Variants in ANKRD29 observed in about 807,000 individuals in gnomAD.
The protein encoded by ANKRD29 is ankyrin repeat domain-containing protein 29.
A neutral mutation model predicts 38.0 loss-of-function variants in ANKRD29; 32 were observed. The ratio of observed to expected loss-of-function variants is 0.84; its 90% CI spans 0.64 to 1.13. ANKRD29 has a LOEUF of 1.13. ANKRD29 is among the 50% of genes most tolerant of loss of function. The pLI is 0.00. For missense variants in ANKRD29, 357 were observed against 377.9 expected (o/e 0.94, Z 0.46); for synonymous variants, 135 against 152.4 (o/e 0.89, Z 0.84).
chr18:23,627,909 C>T (rs542355513), intron 6 of ANKRD29, among the ~76,000 whole-genome samples: 57 of 152,304 alleles, frequency 3.7e-4, no homozygotes, highest in South Asian at 2.5e-3. Flanking sequence ...AAAGTCAACT[C>T]TAGCAGGACG....
chr18:23,660,223 G>T (rs2060341502), intron 1 of ANKRD29, among the ~76,000 whole-genome samples: 2 of 152,174 alleles, frequency 1.3e-5, no homozygotes, highest in Admixed American at 1.3e-4. Flanking sequence ...TCATTGTCTT[G>T]CTGATTAAAG....
chr18:23,656,083 A>G (rs1334330578), intron 1 of ANKRD29, among the ~76,000 whole-genome samples: 2 of 140,346 alleles, frequency 1.4e-5, no homozygotes, highest in Non-Finnish European at 3.0e-5. Context: ...ACAGAGCGAG[A>G]CTCCGTCTCA....
intron 9 of ANKRD29, among the ~76,000 whole-genome samples, chr18:23,609,935 G>T (rs758821304): frequency 1.4e-4 from 22 of 152,174 alleles, no homozygotes; most frequent in Non-Finnish European, 2.9e-4. Flanking sequence ...TGGGAATGGG[G>T]AAGTAATACT....
At chr18:23,633,039 T>C (rs1045247626) in intron 5 of ANKRD29, among the ~76,000 whole-genome samples, 9 of 152,214 alleles carry the variant, frequency 5.9e-5, no homozygotes, top group African/African-American at 2.2e-4. Flanking sequence ...GGTTCCTAGA[T>C]AATTGGAAGT....
intron 5 of ANKRD29, among the ~76,000 whole-genome samples, chr18:23,633,820 C>T (rs2059964523): frequency 1.3e-5 from 2 of 152,060 alleles, no homozygotes; most frequent in South Asian, 2.1e-4. Flanking sequence ...CCACCCACCT[C>T]GGCCTCCCAA....
chr18:23,614,829 T>C (rs949791683), intron 8 of ANKRD29, among the ~76,000 whole-genome samples: 2 of 151,988 alleles, frequency 1.3e-5, no homozygotes, highest in African/African-American at 4.8e-5. Context: ...CCAAAAAGTG[T>C]CTGGGGTCAT....
intron 3 of ANKRD29, among the ~76,000 whole-genome samples, chr18:23,639,529 A>ATTTTTTTTTT (rs11310206): frequency 8.3e-6 from 1 of 120,346 alleles, no homozygotes; most frequent in Non-Finnish European, 1.8e-5. Flanking sequence ...TTTTACTGTG[A>ATTTTTTTTTT]TTTTTTTTTT....
Position 23,600,979 on chromosome 18 carries a change from A to T in ANKRD29, c.*247T>A, listed in dbSNP as rs1018562634. On this transcript the variant is annotated 3_prime_UTR_variant, in exon 10 of 10. Transcript: ENST00000592179. ...TTTCTGTGGAATCTGTGAACATGCC[A>T]GGCCCCCCGGGAGATGAGTTACAGG... 2.8e-6 allele frequency: 1 copy of T among 352,046 alleles called. No homozygotes were observed. Among genetic ancestry groups the T allele is most frequent in the East Asian group, 4.8e-5 (1 of 20,622 alleles). The allele number at this position is 352,046 out of a possible 1,614,324, so 21.8% of individuals were successfully genotyped here. A position where few individuals can be genotyped will look rare whatever the true frequency, so the allele number is the denominator to read the frequency against.
In ANKRD29 at chr18:23,620,646, A is replaced by C. The variant is rs143299447; in HGVS notation, c.529-1017T>G. ...TAGGTTGTGGAAGAAACATCAGGTC[A>C]GTTATGGGGAATTCCAGATGGGAAA... On this transcript the variant is annotated intron_variant, in intron 6 of 9. Transcript: ENST00000592179. 3.9e-3 allele frequency among the ~76,000 whole-genome samples: 587 copies of C among 152,280 alleles called. 5 individuals are homozygous for C. The highest frequency in any genetic ancestry group is 5.7e-3 in the Non-Finnish European group (385 of 68,024).
chr18:23,638,929 A>G lies in ANKRD29; in HGVS notation c.250T>C (p.Phe84Leu). ...LQRESGTTAL[F>L]FAAQQGHNDV... is the part of the protein sequence containing the mutation. ...TTATGGCCTTGCTGGGCGGCAAAGAATAGGGCAGTTGTACCTGACTGGGAG... is the reference window on the plus strand; with the variant it reads ...TTATGGCCTTGCTGGGCGGCAAAGAGTAGGGCAGTTGTACCTGACTGGGAG... Residue 84 changes from phenylalanine (F) to leucine (L), a missense_variant, in exon 4 of 10, where the codon TTC (phenylalanine) becomes CTC (leucine). By Grantham distance (22) the Phe-to-Leu change is conservative (BLOSUM62 0). Transcript: ENST00000592179. The G allele has an allele frequency of 6.2e-7, 1 of 1,612,408 alleles. No individual in the cohort carries two copies. The highest frequency in any genetic ancestry group is 8.5e-7 in the Non-Finnish European group (1 of 1,179,584).
At chr18:23,634,475 A>T (rs902595010) in intron 4 of ANKRD29, among the ~76,000 whole-genome samples, 3 of 151,668 alleles carry the variant, frequency 2.0e-5, no homozygotes, top group African/African-American at 7.3e-5. Flanking sequence ...TTTTTAGAAG[A>T]GATGGGGTTT....
intron 8 of ANKRD29, among the ~76,000 whole-genome samples, chr18:23,615,825 T>A (rs1286614152): frequency 6.6e-6 from 1 of 151,050 alleles, no homozygotes; most frequent in Admixed American, 6.6e-5. Context: ...GTAACAGTAA[T>A]ATTCACTAAC....
chr18:23,645,814 C>A (rs529352744), intron 3 of ANKRD29, among the ~76,000 whole-genome samples: 3 of 152,066 alleles, frequency 2.0e-5, no homozygotes, highest in Non-Finnish European at 4.4e-5. Flanking sequence ...AAGTGAGCCT[C>A]ATTACAAATA....
rs61584775 is a variant in ANKRD29, at chr18:23,632,533, G to GTATATATATATATATA, written c.429+1517_429+1518insTATATATATATATATA. On this transcript the variant is annotated intron_variant, in intron 5 of 9. Transcript: ENST00000592179. ...CTATTCAGTGTGTGTGTGTGTGTGT[G>GTATATATATATATATA]TATATATATATATATTACACACTCT... is the stretch of plus-strand genomic sequence containing the variant. Among the ~76,000 whole-genome samples, 901 of 130,928 alleles carry GTATATATATATATATA rather than the reference G, an allele frequency of 6.9e-3. 16 individuals carry two copies. The highest frequency in any genetic ancestry group is 0.019 in the African/African-American group (584 of 30,732). The allele number at this position is 130,928 out of a possible 152,430, so 85.9% of individuals were successfully genotyped here.
At chr18:23,612,615 G>A (rs905108587) in intron 8 of ANKRD29, among the ~76,000 whole-genome samples, 6 of 152,134 alleles carry the variant, frequency 3.9e-5, no homozygotes, top group East Asian at 1.9e-4. Flanking sequence ...TTTAGCCAAC[G>A]GGCTGACCTG....
rs181468329 is a variant in ANKRD29 at position 23,617,263 on chromosome 18, G to T, written c.723+469C>A. 8.5e-5 allele frequency among the ~76,000 whole-genome samples: 13 copies of T among 152,210 alleles called. No homozygotes were observed. The East Asian group carries it at 2.3e-3, about 27-fold the overall frequency. ...ACAAAAAGATCAAAACTTAAAAAAA[G>T]AGTTTTGGCTCTGTTTTTTAGGTGA... On this transcript the variant is annotated intron_variant, in intron 8 of 9. Transcript: ENST00000592179.
At chr18:23,634,227 A>G (rs2059972199) in intron 4 of ANKRD29, 78 bp from the exon 5 acceptor site, 1 of 1,061,970 alleles carries the variant, frequency 9.4e-7, no homozygotes. Context: ...TCACATACAT[A>G]GAATTTAGGA....
At chr18:23,635,087 T>TA (rs1372834235) in intron 4 of ANKRD29, among the ~76,000 whole-genome samples, 3 of 152,004 alleles carry the variant, frequency 2.0e-5, no homozygotes, top group Admixed American at 2.0e-4. Flanking sequence ...AGTGTGGCCC[T>TA]AAAAACTAAG....
chr18:23,601,461 T>C (rs1451695200), intron 9 of ANKRD29, 152 bp from the exon 10 acceptor site: 2 of 614,092 alleles, frequency 3.3e-6, no homozygotes, highest in Non-Finnish European at 5.8e-6. Flanking sequence ...TTACAAATCT[T>C]CTTTAAATGT....
Sources: allele counts gnomAD v4.1 joint callset (sites outside exome capture counted in the v4.1 genomes callset), GRCh38; gene constraint gnomAD v4.1.1; transcripts MANE v1.5; gene names NCBI Gene and HGNC (gene_info 2026-07-23, HGNC 2026-07-21).